The following DOK6 variants were observed in gnomAD, a reference collection of about 807,000 sequenced individuals.
The protein encoded by DOK6 is docking protein 6.
In DOK6, 22 loss-of-function variants were observed where a neutral mutation model predicts 44.0. That is an observed-to-expected ratio of 0.50 (90% confidence interval 0.36 to 0.71). The LOEUF (loss-of-function observed/expected upper bound fraction) is 0.71, where lower values mean the gene tolerates loss of function less well. Among genes scored for constraint, DOK6 ranks in the 30% least tolerant of loss-of-function variants. DOK6 has a pLI of 0.00. For missense variants in DOK6, 340 were observed against 416.4 expected, an observed-to-expected ratio of 0.82 and a Z score of 1.60; for synonymous variants, 166 against 145.5, an observed-to-expected ratio of 1.14 and a Z score of -1.01.
intron 6 of DOK6, among the ~76,000 whole-genome samples, 195 bp from the exon 7 acceptor site, chr18:69,757,549 TAATTAATGAGTA>T (rs1261307844): frequency 6.6e-6 from 1 of 152,190 alleles, no homozygotes; most frequent in Non-Finnish European, 1.5e-5. Flanking sequence ...GTTCTCTTCT[TAATTAATGAGTA>T]AAATTGTTTA....
chr18:69,733,761 ATG>A (rs1978499495), intron 5 of DOK6, among the ~76,000 whole-genome samples: 3 of 152,164 alleles, frequency 2.0e-5, no homozygotes, highest in African/African-American at 7.2e-5. Context: ...TAAAAAATTA[ATG>A]TGTGTAAACC....
At chr18:69,835,433 C>A (rs1213590208) in intron 7 of DOK6, among the ~76,000 whole-genome samples, 2 of 151,998 alleles carry the variant, frequency 1.3e-5, no homozygotes, top group South Asian at 4.2e-4. Context: ...CCACTGCACT[C>A]CAGCCTGGGC....
At chr18:69,438,432 T>C (rs888485255) in intron 1 of DOK6, among the ~76,000 whole-genome samples, 2 of 152,210 alleles carry the variant, frequency 1.3e-5, no homozygotes, top group African/African-American at 4.8e-5. Context: ...AGGTTCCACT[T>C]CTAATTTTAG....
At chr18:69,609,836 T>C (rs903460548) in intron 3 of DOK6, among the ~76,000 whole-genome samples, 1 of 152,222 alleles carries the variant, frequency 6.6e-6, no homozygotes, top group East Asian at 1.9e-4. Flanking sequence ...TAGAGTATTA[T>C]TCAATCTTTA....
chr18:69,510,409 C>T (rs945751712), intron 1 of DOK6, among the ~76,000 whole-genome samples: 16 of 152,152 alleles, frequency 1.1e-4, no homozygotes, highest in African/African-American at 3.1e-4. Flanking sequence ...ATATGGACTA[C>T]TGATTTTATT....
chr18:69,404,854 G>GCC (rs1285436812), intron 1 of DOK6, among the ~76,000 whole-genome samples: 2 of 151,904 alleles, frequency 1.3e-5, no homozygotes, highest in Non-Finnish European at 1.5e-5. Context: ...ATCTTGGAGT[G>GCC]CCCACAGTTT....
At chr18:69,832,736 C>T (rs1189869195) in intron 7 of DOK6, 5 of 150,480 alleles carry the variant, frequency 3.3e-5, no homozygotes, top group African/African-American at 7.3e-5. Context: ...TAACAGCGAA[C>T]AATCTGAAAA....
chr18:69,497,188 C>T (rs1361753980), intron 1 of DOK6, among the ~76,000 whole-genome samples: 1 of 152,136 alleles, frequency 6.6e-6, no homozygotes, highest in Non-Finnish European at 1.5e-5. Context: ...GCCTGGAAAG[C>T]TACGCATAAG....
chr18:69,614,815 A>ATGTG (rs745623274), intron 3 of DOK6, among the ~76,000 whole-genome samples: 1 of 148,364 alleles, frequency 6.7e-6, no homozygotes, highest in African/African-American at 2.5e-5. Context: ...ACACACACAT[A>ATGTG]TGTGTGTGTG....
intron 5 of DOK6, among the ~76,000 whole-genome samples, chr18:69,736,028 C>A (rs1459233224): frequency 6.6e-6 from 1 of 152,054 alleles, no homozygotes; most frequent in Admixed American, 6.6e-5. Context: ...CAGATTGATC[C>A]CCAGTTGTCC....
At chr18:69,821,743 C>G (rs1240016248) in intron 7 of DOK6, among the ~76,000 whole-genome samples, 1 of 151,312 alleles carries the variant, frequency 6.6e-6, no homozygotes, top group African/African-American at 2.4e-5. Flanking sequence ...ATCACATGAG[C>G]TCTCTGATTT....
Position 69,401,226 on chromosome 18 carries a change from G to T in DOK6, c.-19G>T, listed in dbSNP as rs1437546567. 1 of 1,552,016 alleles carries T rather than the reference G, an allele frequency of 6.4e-7. No individual in the cohort carries two copies. The highest frequency in any genetic ancestry group is 1.9e-5 in the Admixed American group (1 of 52,326). On this transcript the variant is annotated 5_prime_UTR_variant, in exon 1 of 8. Coordinates refer to ENST00000382713, the MANE Select transcript of DOK6 (RefSeq NM_152721.6). ...CCGGAGAGCGGATCGCGGGGCGCAG[G>T]AGCCCGATCGCGCTGGCCATGGCCT...
intron 1 of DOK6, among the ~76,000 whole-genome samples, chr18:69,490,033 A>C (rs1980691003): frequency 6.6e-6 from 1 of 152,184 alleles, no homozygotes; most frequent in African/African-American, 2.4e-5. Context: ...ACATATTCAG[A>C]AGACATGCCA....
chr18:69,510,583 C>T (rs1273811341), intron 1 of DOK6, among the ~76,000 whole-genome samples: 4 of 152,138 alleles, frequency 2.6e-5, no homozygotes, highest in African/African-American at 9.7e-5. Context: ...CCATTACCAA[C>T]GTGAATACAT....
At chr18:69,821,933 T>C (rs904074847) in intron 7 of DOK6, among the ~76,000 whole-genome samples, 34 of 152,164 alleles carry the variant, frequency 2.2e-4, no homozygotes, top group African/African-American at 7.7e-4. Flanking sequence ...TTGTGATTAA[T>C]AGTTTAATTC....
chr18:69,423,054 G>A lies in DOK6; in HGVS notation c.66+21744G>A, dbSNP rs113072018. On this transcript the variant is annotated intron_variant, in intron 1 of 7. Coordinates refer to ENST00000382713, the MANE Select transcript of DOK6 (RefSeq NM_152721.6). ...CGCAGTGGCTCACAGATGTAATCCC[G>A]GGACTTTGGGAGACTGAAGTGGGAA... Among the ~76,000 whole-genome samples the A allele has an allele frequency of 1.1e-3, 164 of 152,198 alleles. 1 individual carries two copies. Among genetic ancestry groups the A allele is most frequent in the African/African-American group, 3.7e-3 (153 of 41,520 alleles).
chr18:69,487,175 ATATGTG>A (rs1323033907), intron 1 of DOK6, among the ~76,000 whole-genome samples: 1,106 of 102,618 alleles, frequency 0.011, 14 homozygotes, highest in African/African-American at 0.036. Flanking sequence ...CACTGATAGG[ATATGTG>A]TGTGTGTGTG....
At chr18:69,617,894 T>C (rs769315538) in intron 3 of DOK6, among the ~76,000 whole-genome samples, 2 of 152,148 alleles carry the variant, frequency 1.3e-5, no homozygotes, top group Non-Finnish European at 2.9e-5. Context: ...GAATGTGACA[T>C]TATGCAGAAG....
chr18:69,655,772 A>C (rs1366908410), intron 3 of DOK6, among the ~76,000 whole-genome samples: 1 of 147,234 alleles, frequency 6.8e-6, no homozygotes, highest in African/African-American at 2.5e-5. Flanking sequence ...AAAAAAAAAA[A>C]AAAAAAAAAA....
Sources: allele counts gnomAD v4.1 joint callset (sites outside exome capture counted in the v4.1 genomes callset), GRCh38; gene constraint gnomAD v4.1.1; transcripts MANE v1.5; gene names NCBI Gene and HGNC (gene_info 2026-07-23, HGNC 2026-07-21).